APBA2: variants seen among roughly 807,000 people sequenced by gnomAD.
APBA2 encodes amyloid-beta A4 precursor protein-binding family A member 2.
In APBA2, 30 loss-of-function variants were observed where a neutral mutation model predicts 75.0. The observed-to-expected ratio is 0.40, with a 90% CI of 0.30 to 0.54. The LOEUF is 0.54. Ranked by LOEUF, APBA2 falls within the 20% of genes least tolerant of loss-of-function variation. The pLI, the probability that APBA2 is intolerant of heterozygous loss-of-function variation, is 0.49. For synonymous variants in APBA2, 444 were observed against 409.6 expected, an observed-to-expected ratio of 1.08 and a Z score of -1.01; for missense variants, 801 against 1,016.1, an observed-to-expected ratio of 0.79 and a Z score of 2.88.
At position 28,918,750 on chromosome 15, in the gene APBA2, C is replaced by T. The variant is rs947641494; in HGVS notation, c.-204-2890C>T. ...GGCAGCTGGAGAGCGGGCGACCGGTCGCTTGGCGTCCTGCTTGGGGTTGTT... is the reference window on the plus strand; with the variant it reads ...GGCAGCTGGAGAGCGGGCGACCGGTTGCTTGGCGTCCTGCTTGGGGTTGTT... On this transcript the variant is annotated intron_variant, in intron 1 of 14. Coordinates refer to ENST00000683413, the MANE Select transcript of APBA2 (RefSeq NM_001353788.2). The surrounding 1 kb of genome is among the most constrained non-coding windows in gnomAD (Gnocchi z 4.2). Among the ~76,000 whole-genome samples, 5 of 152,112 alleles carry T rather than the reference C, an allele frequency of 3.3e-5. No homozygotes were observed. The highest frequency in any genetic ancestry group is 2.1e-4 in the South Asian group (1 of 4,834).
chr15:28,887,753 T>C (rs36157027), intron 1 of APBA2, among the ~76,000 whole-genome samples: 67,963 of 151,936 alleles, frequency 0.45, 15,501 homozygotes, highest in Non-Finnish European at 0.47. Flanking sequence ...CTGGAGCTTG[T>C]GGCTGTGTGC....
intron 6 of APBA2, among the ~76,000 whole-genome samples, chr15:29,085,121 A>G (rs1395546840): frequency 6.6e-6 from 1 of 152,212 alleles, no homozygotes. Flanking sequence ...GTTAGCTGGA[A>G]TTCTTCTATG....
At chr15:28,924,174 C>T (rs1566802858) in intron 2 of APBA2, among the ~76,000 whole-genome samples, 1 of 152,180 alleles carries the variant, frequency 6.6e-6, no homozygotes, top group Admixed American at 6.5e-5. Flanking sequence ...TTTCCCTCTC[C>T]CCTCCTTGTT....
intron 4 of APBA2, among the ~76,000 whole-genome samples, chr15:29,060,841 C>T (rs185968226): frequency 6.6e-6 from 1 of 152,020 alleles, no homozygotes; most frequent in East Asian, 1.9e-4. Flanking sequence ...CAGCAAGGCT[C>T]GTATTGTGTG....
At chr15:28,886,501 C>G (rs2152591125) in intron 1 of APBA2, among the ~76,000 whole-genome samples, 1 of 149,846 alleles carries the variant, frequency 6.7e-6, no homozygotes, top group African/African-American at 2.4e-5. Context: ...GCTTCCCCCT[C>G]CCACGACGGG....
At chr15:29,038,098 G>GC (rs1047437418) in intron 3 of APBA2, among the ~76,000 whole-genome samples, 1 of 152,130 alleles carries the variant, frequency 6.6e-6, no homozygotes, top group Non-Finnish European at 1.5e-5. Flanking sequence ...CTCTGGTTTT[G>GC]CCCCCCAGGA....
Position 28,937,892 on chromosome 15 carries a change from C to T in APBA2, c.-95+16143C>T, listed in dbSNP as rs967210338. On this transcript the variant is annotated intron_variant, in intron 2 of 14. Coordinates refer to ENST00000683413, the MANE Select transcript of APBA2 (RefSeq NM_001353788.2). ...CAGGATGGTCTCGATCTCCTGACCT[C>T]GTGATCCGCCCACCTCGGCCTCCCA... Among the ~76,000 whole-genome samples, 7 of 152,258 alleles carry T rather than the reference C, an allele frequency of 4.6e-5. No individual in the cohort carries two copies. In the East Asian group the frequency reaches 1.4e-3, roughly 30 times the overall value.
At chr15:28,889,771 C>T (rs576482939) in intron 1 of APBA2, among the ~76,000 whole-genome samples, 2 of 152,364 alleles carry the variant, frequency 1.3e-5, no homozygotes, top group South Asian at 4.1e-4. Context: ...CCCAGATGCT[C>T]ACATGGCTGG....
intron 1 of APBA2, among the ~76,000 whole-genome samples, chr15:28,892,167 C>T (rs971806086): frequency 6.6e-6 from 1 of 152,300 alleles, no homozygotes; most frequent in Non-Finnish European, 1.5e-5. Context: ...CTCTGCCTCA[C>T]GGGTTCATGC....
rs547656928 is a variant in APBA2 at position 29,053,747 on chromosome 15, G to A, written c.-40-98G>A. 46 of 717,888 alleles carry A rather than the reference G, an allele frequency of 6.4e-5. No homozygotes were observed. The Middle Eastern group carries it at 2.1e-3, about 33-fold the overall frequency. 44.5% of individuals were successfully genotyped at this position (717,888 alleles called of 1,614,324 possible). On this transcript the variant is annotated intron_variant, in intron 3 of 14. Coordinates refer to ENST00000683413, the MANE Select transcript of APBA2 (RefSeq NM_001353788.2). ...AACAGATGTGCCCTCACATGGCTGC[G>A]GGAGGACGTGGTGGGAGGTGCTGTG...
intron 8 of APBA2, among the ~76,000 whole-genome samples, chr15:29,095,149 C>T (rs565535524): frequency 1.3e-5 from 2 of 151,656 alleles, no homozygotes; most frequent in African/African-American, 2.4e-5. Context: ...ACACTGAGGC[C>T]GGGCGCCGTG....
intron 4 of APBA2, 148 bp from the exon 5 acceptor site, chr15:29,074,773 A>T (rs1595897587): frequency 6.3e-5 from 42 of 668,764 alleles, no homozygotes; most frequent in Middle Eastern, 2.8e-4. Flanking sequence ...CAGTTTAAGT[A>T]TAATTAAATA....
At chr15:29,095,354 G>A (rs887759733) in intron 8 of APBA2, among the ~76,000 whole-genome samples, 1 of 151,804 alleles carries the variant, frequency 6.6e-6, no homozygotes. Flanking sequence ...ACTTGAACTC[G>A]GGAGGCAAGA....
intron 3 of APBA2, among the ~76,000 whole-genome samples, chr15:29,016,485 T>C (rs1163561571): frequency 6.6e-6 from 1 of 152,136 alleles, no homozygotes; most frequent in Non-Finnish European, 1.5e-5. Context: ...CCTCACAGTA[T>C]GGAGACAACA....
intron 3 of APBA2, among the ~76,000 whole-genome samples, chr15:28,996,942 G>T (rs1034665670): frequency 6.6e-6 from 1 of 152,232 alleles, no homozygotes; most frequent in Non-Finnish European, 1.5e-5. Flanking sequence ...GGATTCTGGA[G>T]TGTCAAGACT....
chr15:29,103,789 C>T (rs967680803), intron 10 of APBA2, among the ~76,000 whole-genome samples: 3 of 152,326 alleles, frequency 2.0e-5, no homozygotes, highest in Non-Finnish European at 4.4e-5. Flanking sequence ...CCTCGTCAGG[C>T]GGAGACAGAA....
At chr15:28,963,369 G>A (rs545190858) in intron 2 of APBA2, among the ~76,000 whole-genome samples, 94 of 152,308 alleles carry the variant, frequency 6.2e-4, no homozygotes, top group African/African-American at 2.2e-3. Flanking sequence ...CCAGTGAGGC[G>A]CCTTCCCTGT....
At chr15:29,051,453 A>G (rs761347428) in intron 3 of APBA2, among the ~76,000 whole-genome samples, 39 of 152,138 alleles carry the variant, frequency 2.6e-4, no homozygotes, top group Admixed American at 2.2e-3. Flanking sequence ...ACGGCCATGG[A>G]CAAGCCTGTG....
chr15:28,902,045 A>G (rs2090075888), intron 1 of APBA2, among the ~76,000 whole-genome samples: 1 of 151,572 alleles, frequency 6.6e-6, no homozygotes, highest in Non-Finnish European at 1.5e-5. Context: ...TGAAGCAGGC[A>G]TCACAGATGG....
Sources: gnomAD v4.1 joint callset for allele counts (sites outside exome capture counted in the v4.1 genomes callset) on GRCh38, gnomAD v4.1.1 for gene constraint, Gnocchi (gnomAD v3.1) non-coding constraint, MANE v1.5 for transcripts, NCBI Gene and HGNC (gene_info 2026-07-23, HGNC 2026-07-21) for gene names.